Variants in CTDSPL observed in about 807,000 individuals in gnomAD.
CTDSPL encodes CTD small phosphatase like, also known as CTD small phosphatase-like protein.
CTDSPL carries 8 observed loss-of-function variants against 30.5 expected under a neutral mutation model. The ratio of observed to expected loss-of-function variants is 0.26; its 90% CI spans 0.15 to 0.47. The LOEUF is 0.47. Among genes scored for constraint, CTDSPL ranks in the 20% least tolerant of loss-of-function variants. The pLI is 0.99. For synonymous variants in CTDSPL, 110 were observed against 137.9 expected (o/e 0.80, Z 1.42); for missense variants, 248 against 366.1 (o/e 0.68, Z 2.63).
chr3:37,936,533 A>T (rs1231756364), intron 1 of CTDSPL, among the ~76,000 whole-genome samples: 1 of 151,834 alleles, frequency 6.6e-6, no homozygotes, highest in East Asian at 1.9e-4. Flanking sequence ...CCTGTTAGAC[A>T]CCCATTCCAA....
intron 1 of CTDSPL, among the ~76,000 whole-genome samples, chr3:37,872,655 A>C (rs185734315): frequency 2.2e-3 from 308 of 142,374 alleles, no homozygotes; most frequent in African/African-American, 7.8e-3. Flanking sequence ...GCTAACTGCA[A>C]CCTCCACCTC....
At chr3:37,934,093 G>A (rs1399875901) in intron 1 of CTDSPL, among the ~76,000 whole-genome samples, 1 of 152,170 alleles carries the variant, frequency 6.6e-6, no homozygotes, top group Non-Finnish European at 1.5e-5. Flanking sequence ...AACCCAAAGT[G>A]GGAGTACTTC....
At position 37,964,565 on chromosome 3, in the gene CTDSPL, C is replaced by G; in HGVS notation, c.268-6C>G. 1.2e-6 allele frequency: 2 copies of G among 1,604,470 alleles called. No homozygotes were observed. Among genetic ancestry groups the G allele is most frequent in the Non-Finnish European group, 8.5e-7 (1 of 1,172,052 alleles). ...AATGTAATACTGATTTATTTTTCCC[C>G]TTTAGCCACCAGCTAAGTACCTTCT... On this transcript the variant is annotated splice_polypyrimidine_tract_variant and splice_region_variant and intron_variant, in intron 3 of 7. Transcript: ENST00000273179.
At chr3:37,977,293 T>G (rs889668802) in intron 7 of CTDSPL, among the ~76,000 whole-genome samples, 7 of 152,238 alleles carry the variant, frequency 4.6e-5, no homozygotes, top group African/African-American at 7.2e-5. Flanking sequence ...CTCGAAGTGT[T>G]GTGCATTTGG....
At position 37,924,693 on chromosome 3, in the gene CTDSPL, G is replaced by A. The variant is rs562440027; in HGVS notation, c.80-22364G>A. On this transcript the variant is annotated intron_variant, in intron 1 of 7. Transcript: ENST00000273179. ...TCCTGCCGGAGAACTTTGTCTCAGGGATATGTAGTTTCTTATGTGTTGTTG... is the reference window on the plus strand; with the variant it reads ...TCCTGCCGGAGAACTTTGTCTCAGGAATATGTAGTTTCTTATGTGTTGTTG... 7.2e-5 allele frequency among the ~76,000 whole-genome samples: 11 copies of A among 152,330 alleles called. No homozygotes were observed. In the East Asian group the frequency reaches 2.1e-3, roughly 29 times the overall value.
intron 1 of CTDSPL, among the ~76,000 whole-genome samples, chr3:37,931,912 G>A (rs1234392472): frequency 6.6e-6 from 1 of 151,908 alleles, no homozygotes; most frequent in Non-Finnish European, 1.5e-5. Flanking sequence ...CCAATGGTAT[G>A]TTTTAGGGCT....
chr3:37,950,577 A>G (rs754350073), intron 2 of CTDSPL, among the ~76,000 whole-genome samples: 2 of 152,256 alleles, frequency 1.3e-5, no homozygotes, highest in Non-Finnish European at 2.9e-5. Context: ...GACCAGAAAC[A>G]CAGAGATGGT....
rs1699421475 is a variant in CTDSPL at position 37,975,924 on chromosome 3, T to C, written c.705+30T>C. On this transcript the variant is annotated intron_variant, in intron 7 of 7. Coordinates refer to ENST00000273179, the MANE Select transcript of CTDSPL (RefSeq NM_001008392.2). The surrounding 1 kb of genome is among the most constrained non-coding windows in gnomAD (Gnocchi z 4.9). ...GTGGCCCCAAAGAAAGAAAATGTCG[T>C]GCTCCATCTGAGCCCTCTGTCTTGC... The C allele has an allele frequency of 3.1e-6, 5 of 1,604,928 alleles. No homozygotes were observed. The highest frequency in any genetic ancestry group is 4.3e-6 in the Non-Finnish European group (5 of 1,173,146).
chr3:37,957,097 TTC>T lies in CTDSPL; in HGVS notation c.235-12_235-11del. ...TTCGAACCTGACAATGATTTTTTTT[TTC>T]TTTTTCCTCAGGGTGACCAGAGGCA... On this transcript the variant is annotated splice_polypyrimidine_tract_variant and intron_variant, in intron 2 of 7. Transcript: ENST00000273179. 6.3e-7 allele frequency: 1 copy of T among 1,598,832 alleles called. No individual in the cohort carries two copies. Among genetic ancestry groups the T allele is most frequent in the Non-Finnish European group, 8.5e-7 (1 of 1,171,130 alleles).
At chr3:37,902,880 C>T (rs577053959) in intron 1 of CTDSPL, among the ~76,000 whole-genome samples, 2 of 152,346 alleles carry the variant, frequency 1.3e-5, no homozygotes, top group African/African-American at 4.8e-5. Flanking sequence ...CACATCCTCT[C>T]CAATACGTTA....
chr3:37,869,043 C>T (rs1056442213), intron 1 of CTDSPL, among the ~76,000 whole-genome samples: 5 of 151,212 alleles, frequency 3.3e-5, no homozygotes, highest in Admixed American at 6.6e-5. Flanking sequence ...GAACACAGTA[C>T]GTCTCTCTAT....
chr3:37,924,835 C>CA (rs2125612168), intron 1 of CTDSPL, among the ~76,000 whole-genome samples: 1 of 152,270 alleles, frequency 6.6e-6, no homozygotes, highest in African/African-American at 2.4e-5. Context: ...CTGTCCTGCC[C>CA]TCACCAGCAT....
intron 3 of CTDSPL, among the ~76,000 whole-genome samples, chr3:37,957,695 C>A (rs9847659): frequency 0.21 from 31,871 of 152,090 alleles, 5,026 homozygotes; most frequent in African/African-American, 0.45. Context: ...GCTGTGCTGC[C>A]ACTCTGCCCC....
At chr3:37,863,952 C>A (rs761948900) in intron 1 of CTDSPL, among the ~76,000 whole-genome samples, 4 of 152,228 alleles carry the variant, frequency 2.6e-5, no homozygotes, top group Non-Finnish European at 5.9e-5. Context: ...CAAGAGAGTG[C>A]TCCAGGTAAA....
At chr3:37,894,226 C>T (rs972102305) in intron 1 of CTDSPL, among the ~76,000 whole-genome samples, 1 of 152,072 alleles carries the variant, frequency 6.6e-6, no homozygotes, top group Admixed American at 6.6e-5. Flanking sequence ...GGACTACAGG[C>T]ACACACCACC....
rs944645777 is a variant in CTDSPL, at chr3:37,890,510, C to T, written c.79+28232C>T. Reference sequence around the variant, plus strand: ...CTAAAAGCTTTGAAAGTGTTTGCCTCAAAGTAGTGGGTTTTAAAATTTTTT... The same window carrying T: ...CTAAAAGCTTTGAAAGTGTTTGCCTTAAAGTAGTGGGTTTTAAAATTTTTT... On this transcript the variant is annotated intron_variant, in intron 1 of 7. Transcript: ENST00000273179. Among the ~76,000 whole-genome samples, 3 of 151,990 alleles carry T rather than the reference C, an allele frequency of 2.0e-5. No individual in the cohort carries two copies. The East Asian group carries it at 5.8e-4, about 29-fold the overall frequency.
intron 1 of CTDSPL, among the ~76,000 whole-genome samples, chr3:37,941,481 T>C (rs1346172939): frequency 6.7e-6 from 1 of 148,236 alleles, no homozygotes; most frequent in East Asian, 2.0e-4. Context: ...GGTGGCGTTA[T>C]GTCAGCTCAC....
At chr3:37,863,205 C>T (rs867733931) in intron 1 of CTDSPL, among the ~76,000 whole-genome samples, 26 of 152,198 alleles carry the variant, frequency 1.7e-4, no homozygotes, top group African/African-American at 5.1e-4. Context: ...CCTTTTAGGA[C>T]CCAGCTTTAA....
chr3:37,908,546 T>A (rs1293362172), intron 1 of CTDSPL, among the ~76,000 whole-genome samples: 1 of 152,226 alleles, frequency 6.6e-6, no homozygotes, highest in Non-Finnish European at 1.5e-5. Context: ...GTATGACATT[T>A]AGGCTGCTTT....
Sources: allele counts gnomAD v4.1 joint callset (sites outside exome capture counted in the v4.1 genomes callset), GRCh38; gene constraint gnomAD v4.1.1; non-coding constraint Gnocchi (gnomAD v3.1); transcripts MANE v1.5; gene names NCBI Gene and HGNC (gene_info 2026-07-23, HGNC 2026-07-21).